RASGRP3: variants seen among roughly 807,000 people sequenced by gnomAD.
RASGRP3 encodes the protein ras guanyl-releasing protein 3.
Under a neutral mutation model 82.7 loss-of-function variants are expected in RASGRP3, and 54 were observed. The ratio of observed to expected loss-of-function variants is 0.65; its 90% CI spans 0.52 to 0.82. RASGRP3 has a LOEUF of 0.82. Ranked by LOEUF, RASGRP3 falls within the 40% of genes least tolerant of loss-of-function variation. The pLI, the probability that RASGRP3 is intolerant of heterozygous loss-of-function variation, is 0.00. For missense variants in RASGRP3, 861 were observed against 828.9 expected, an observed-to-expected ratio of 1.04 and a Z score of -0.48; for synonymous variants, 309 against 300.5, an observed-to-expected ratio of 1.03 and a Z score of -0.29.
At chr2:33,459,474 A>AT (rs35698782) in intron 2 of RASGRP3, among the ~76,000 whole-genome samples, 28 of 152,284 alleles carry the variant, frequency 1.8e-4, no homozygotes, top group African/African-American at 6.5e-4. Context: ...CTTTTAGTTC[A>AT]TTTTTGGAAA....
intron 14 of RASGRP3, among the ~76,000 whole-genome samples, chr2:33,551,112 A>G (rs1420702917): frequency 6.6e-6 from 1 of 152,184 alleles, no homozygotes; most frequent in East Asian, 1.9e-4. Flanking sequence ...CAGAAGTTTG[A>G]GACCAACCTG....
intron 2 of RASGRP3, among the ~76,000 whole-genome samples, chr2:33,464,666 G>C (rs1204636207): frequency 6.6e-6 from 1 of 151,940 alleles, no homozygotes; most frequent in Admixed American, 6.6e-5. Context: ...TTGAAGAGAT[G>C]GGGTTTCACT....
intron 1 of RASGRP3, among the ~76,000 whole-genome samples, chr2:33,447,188 T>C (rs1306963203): frequency 6.6e-6 from 1 of 150,978 alleles, no homozygotes; most frequent in Non-Finnish European, 1.5e-5. Flanking sequence ...GAAATCTGGG[T>C]TGAGTGGTCC....
At chr2:33,492,427 T>C (rs895302427) in intron 1 of RASGRP3, among the ~76,000 whole-genome samples, 12 of 152,122 alleles carry the variant, frequency 7.9e-5, no homozygotes, top group African/African-American at 2.9e-4. Flanking sequence ...TCTCCAGTCC[T>C]TGGTTGAGAG....
At position 33,439,493 on chromosome 2, in the gene RASGRP3, C is replaced by T. The variant is rs144928705; in HGVS notation, c.-385+2902C>T. Among the ~76,000 whole-genome samples, 137 of 152,248 alleles carry T rather than the reference C, an allele frequency of 9.0e-4. 1 individual carries two copies. Among genetic ancestry groups the T allele is most frequent in the Admixed American group, 2.8e-3 (43 of 15,288 alleles). On this transcript the variant is annotated intron_variant, in intron 1 of 18. Transcript: ENST00000402538. ...GGGCTGTCAGATGAAATACAGGATG[C>T]CCAGTTCAATGTGAATTTCAGATAA...
intron 2 of RASGRP3, among the ~76,000 whole-genome samples, chr2:33,450,715 A>G (rs971744440): frequency 1.4e-5 from 2 of 147,400 alleles, no homozygotes; most frequent in East Asian, 2.0e-4. Context: ...TGCTGATTTC[A>G]TTTTCTTTGG....
intron 14 of RASGRP3, among the ~76,000 whole-genome samples, chr2:33,551,376 C>T (rs77388722): frequency 0.051 from 7,770 of 152,170 alleles, 490 homozygotes; most frequent in East Asian, 0.27. Context: ...TTTGGAAATA[C>T]CTAGACCTGA....
intron 1 of RASGRP3, among the ~76,000 whole-genome samples, chr2:33,442,937 A>G (rs914687052): frequency 4.6e-5 from 7 of 151,130 alleles, no homozygotes; most frequent in East Asian, 1.9e-4. Flanking sequence ...GCTGGCAGCA[A>G]TGACTTCCAA....
intron 1 of RASGRP3, among the ~76,000 whole-genome samples, chr2:33,480,319 A>AG (rs767004851): frequency 3.3e-5 from 5 of 152,182 alleles, no homozygotes; most frequent in Non-Finnish European, 5.9e-5. Context: ...CTGGGATTAC[A>AG]GGCGTGAGCC....
intron 1 of RASGRP3, among the ~76,000 whole-genome samples, chr2:33,442,908 A>T (rs1261940087): frequency 1.3e-5 from 2 of 149,366 alleles, no homozygotes; most frequent in Non-Finnish European, 3.0e-5. Context: ...CTTTTTTACC[A>T]GCAGTTACAC....
intron 1 of RASGRP3, among the ~76,000 whole-genome samples, chr2:33,505,867 C>T (rs1670322546): frequency 6.6e-6 from 1 of 152,184 alleles, no homozygotes; most frequent in Non-Finnish European, 1.5e-5. Context: ...TGTTCGGCTG[C>T]AGCCAAATGC....
chr2:33,500,618 A>C (rs1669775570), intron 1 of RASGRP3, among the ~76,000 whole-genome samples: 1 of 152,140 alleles, frequency 6.6e-6, no homozygotes, highest in African/African-American at 2.4e-5. Flanking sequence ...AAGGAAGGAA[A>C]TATGGGAGAT....
At chr2:33,500,173 CAT>C (rs1286939403) in intron 1 of RASGRP3, among the ~76,000 whole-genome samples, 2 of 152,082 alleles carry the variant, frequency 1.3e-5, no homozygotes, top group Non-Finnish European at 1.5e-5. Context: ...AGCAGTATCA[CAT>C]GTGCTGGAGT....
chr2:33,483,422 A>G (rs1454274786), intron 1 of RASGRP3, among the ~76,000 whole-genome samples: 1 of 152,062 alleles, frequency 6.6e-6, no homozygotes, highest in Non-Finnish European at 1.5e-5. Context: ...AACTAGTAAC[A>G]TAGGGAAAAA....
chr2:33,436,703 T>C (rs534705065), intron 1 of RASGRP3: 2 of 152,364 alleles, frequency 1.3e-5, no homozygotes, highest in South Asian at 2.1e-4. Context: ...CATGTAACTT[T>C]TCAATATGCT....
At position 33,556,928 on chromosome 2, in the gene RASGRP3, C is replaced by CACACACACATACAT. The variant is rs1553366467; in HGVS notation, c.1580-1283_1580-1282insACACACACATACAT. Reference sequence around the variant, plus strand: ...ACACACACACACACACACACACACACGCAATTTTATAAAGATGAAAATCTA... The same window carrying CACACACACATACAT: ...ACACACACACACACACACACACACACACACACACATACATGCAATTTTATAAAGATGAAAATCTA... On this transcript the variant is annotated intron_variant, in intron 15 of 17. Transcript: ENST00000403687. Among the ~76,000 whole-genome samples, 1,293 of 148,392 alleles carry CACACACACATACAT rather than the reference C, an allele frequency of 8.7e-3. 17 individuals are homozygous for CACACACACATACAT. The highest frequency in any genetic ancestry group is 0.016 in the African/African-American group (649 of 39,744).
rs1359191187 is a variant in RASGRP3 at position 33,552,847 on chromosome 2, C to A, written c.1543-2684C>A. Among the ~76,000 whole-genome samples the A allele has an allele frequency of 3.9e-5, 6 of 152,314 alleles. No homozygotes were observed. In the South Asian group the frequency reaches 6.2e-4, roughly 16 times the overall value. ...GCAAAACCATGAGTCACACCCAGGT[C>A]TCCTGACTCTCAGTCCAGTGTGCCT... On this transcript the variant is annotated intron_variant, in intron 14 of 17. Coordinates refer to ENST00000403687, the MANE Select transcript of RASGRP3 (RefSeq NM_001139488.2).
At chr2:33,461,507 A>G (rs1164588769) in intron 2 of RASGRP3, among the ~76,000 whole-genome samples, 7 of 152,258 alleles carry the variant, frequency 4.6e-5, no homozygotes, top group Non-Finnish European at 8.8e-5. Context: ...TGAACTCCCA[A>G]GCTCAAGTGA....
chr2:33,519,703 G>A (rs969020921), intron 4 of RASGRP3, among the ~76,000 whole-genome samples: 2 of 152,178 alleles, frequency 1.3e-5, no homozygotes, highest in Non-Finnish European at 2.9e-5. Context: ...TAATAAGTGT[G>A]GAGGAAGGCA....
Sources: allele counts gnomAD v4.1 joint callset (sites outside exome capture counted in the v4.1 genomes callset), GRCh38; gene constraint gnomAD v4.1.1; transcripts MANE v1.5; gene names NCBI Gene and HGNC (gene_info 2026-07-23, HGNC 2026-07-21).